The following CFAP100 variants were observed in gnomAD, a reference collection of about 807,000 sequenced individuals.
The protein encoded by CFAP100 is cilia and flagella associated protein 100, also known as cilia- and flagella-associated protein 100.
In CFAP100, 70 loss-of-function variants were observed where a neutral mutation model predicts 81.5. The observed-to-expected ratio is 0.86, with a 90% CI of 0.71 to 1.05. The LOEUF (loss-of-function observed/expected upper bound fraction) is 1.05. Ranked by LOEUF, CFAP100 falls within the 50% of genes least tolerant of loss-of-function variation. The pLI, the probability that CFAP100 is intolerant of heterozygous loss-of-function variation, is 0.00. For missense variants in CFAP100, 811 were observed against 776.5 expected (o/e 1.04, Z -0.53); for synonymous variants, 341 against 314.8 (o/e 1.08, Z -0.88).
rs144330227 is a variant in CFAP100, at chr3:126,436,292, G to C, written c.1724G>C (p.Arg575Thr). ...ARAQAEIKKK[R>T]GRTLVCRSRP... ...TCACTGGGCTTGTTTCCCCTGCAGA[G>C]AGGCAGGACACTGGTATGCCGCTCA... Residue 575 changes from arginine to threonine, a missense_variant and splice_region_variant, in exon 17 of 17, where the codon AGA (arginine) becomes ACA (threonine). Coordinates refer to ENST00000352312, the MANE Select transcript of CFAP100 (RefSeq NM_182628.3). 8 of 1,612,204 alleles carry C rather than the reference G, an allele frequency of 5.0e-6. No homozygotes were observed. Among genetic ancestry groups the C allele is most frequent in the Middle Eastern group, 3.4e-4 (2 of 5,970 alleles).
chr3:126,398,059 T>G (rs573398923), intron 2 of CFAP100, among the ~76,000 whole-genome samples: 66 of 152,352 alleles, frequency 4.3e-4, no homozygotes, highest in African/African-American at 1.4e-3. Context: ...TCTGCCCAGA[T>G]GACGGGAAGG....
In CFAP100 at chr3:126,419,135, C is replaced by A. The variant is rs755444927; in HGVS notation, c.710C>A (p.Thr237Asn). Residue 237 changes from threonine (T) to asparagine (N), a missense_variant, in exon 8 of 17, where the codon ACC becomes AAC. Thr to Asn is a moderately conservative substitution (Grantham distance 65). Coordinates refer to ENST00000352312, the MANE Select transcript of CFAP100 (RefSeq NM_182628.3). ...EKILEIRDLT[T>N]QIVNIKSEIS... ...ATCCTTGAGATCCGGGACCTCACCACCCAGATTGTTAATATCAAAAGGTGA... is the reference window on the plus strand; with the variant it reads ...ATCCTTGAGATCCGGGACCTCACCAACCAGATTGTTAATATCAAAAGGTGA... 1.9e-6 allele frequency: 3 copies of A among 1,585,128 alleles called. No homozygotes were observed. The highest frequency in any genetic ancestry group is 2.6e-6 in the Non-Finnish European group (3 of 1,164,306).
At chr3:126,398,725 C>A (rs2082927111) in intron 2 of CFAP100, among the ~76,000 whole-genome samples, 1 of 152,236 alleles carries the variant, frequency 6.6e-6, no homozygotes, top group South Asian at 2.1e-4. Context: ...CGAAGCCTGG[C>A]CTGGTGGCCT....
At chr3:126,415,794 G>A (rs1320359666) in intron 4 of CFAP100, among the ~76,000 whole-genome samples, 10 of 152,132 alleles carry the variant, frequency 6.6e-5, no homozygotes. Context: ...CTGCCTTCCT[G>A]CTCCTCCGAA....
intron 2 of CFAP100, 141 bp downstream of exon 2, chr3:126,396,190 A>T: frequency 1.5e-6 from 1 of 667,264 alleles, no homozygotes; most frequent in Non-Finnish European, 2.7e-6. Flanking sequence ...GAAACAAGGC[A>T]TATGGATTGC....
chr3:126,430,207 T>C (rs1229749336), intron 13 of CFAP100, among the ~76,000 whole-genome samples: 3 of 150,952 alleles, frequency 2.0e-5, no homozygotes, highest in African/African-American at 7.3e-5. Context: ...TCTCCAGACA[T>C]GGGAAAATTT....
chr3:126,403,355 G>A (rs1265765781), intron 2 of CFAP100, among the ~76,000 whole-genome samples: 2 of 151,658 alleles, frequency 1.3e-5, no homozygotes, highest in Non-Finnish European at 2.9e-5. Context: ...TGTCACATGA[G>A]TGGAGTGCCC....
At chr3:126,415,310 T>A (rs1166942308) in intron 4 of CFAP100, among the ~76,000 whole-genome samples, 1 of 55,678 alleles carries the variant, frequency 1.8e-5, no homozygotes, top group Non-Finnish European at 3.5e-5. Context: ...CCCAACAGGG[T>A]CCCCCACTCA....
chr3:126,418,241 G>A (rs1228645905), intron 5 of CFAP100: 10 of 573,844 alleles, frequency 1.7e-5, no homozygotes, highest in African/African-American at 3.8e-5. Context: ...CCACGCGGCC[G>A]GACTCTGGCC....
intron 13 of CFAP100, among the ~76,000 whole-genome samples, chr3:126,425,534 A>T (rs1576643395): frequency 6.6e-6 from 1 of 152,244 alleles, no homozygotes; most frequent in East Asian, 1.9e-4. Flanking sequence ...TTTTCAGAAG[A>T]TAGGAGCAGA....
chr3:126,419,182 T>A, intron 8 of CFAP100, 26 bp downstream of exon 8: 1 of 1,464,978 alleles, frequency 6.8e-7, no homozygotes, highest in Admixed American at 2.1e-5. Context: ...ATGCTGGCCA[T>A]TGGCTGGCCC....
At chr3:126,427,681 G>A (rs1391484755) in intron 13 of CFAP100, among the ~76,000 whole-genome samples, 1 of 152,206 alleles carries the variant, frequency 6.6e-6, no homozygotes, top group Non-Finnish European at 1.5e-5. Flanking sequence ...CACTAGCAAT[G>A]AATGAGACTT....
intron 5 of CFAP100, 173 bp downstream of exon 5, chr3:126,416,681 G>T: frequency 1.8e-6 from 1 of 549,526 alleles, no homozygotes; most frequent in South Asian, 2.6e-5. Flanking sequence ...GGGTCCCAAA[G>T]CTCTATTCCA....
intron 8 of CFAP100, among the ~76,000 whole-genome samples, 184 bp from the exon 9 acceptor site, chr3:126,419,453 T>C (rs1033525234): frequency 1.3e-5 from 2 of 152,196 alleles, no homozygotes; most frequent in Non-Finnish European, 2.9e-5. Flanking sequence ...CAAAGGGCTG[T>C]GACTCTGCTT....
At chr3:126,400,613 A>G (rs574750946) in intron 2 of CFAP100, among the ~76,000 whole-genome samples, 22 of 152,268 alleles carry the variant, frequency 1.4e-4, no homozygotes, top group Middle Eastern at 3.4e-3. Flanking sequence ...ATAACCGGGC[A>G]TGGTGGCGGG....
rs370169058 is a variant in CFAP100 at position 126,396,044 on chromosome 3, A to G, written c.44A>G (p.Asn15Ser). 1.9e-6 allele frequency: 3 copies of G among 1,613,826 alleles called. No homozygotes were observed. Among genetic ancestry groups the G allele is most frequent in the Non-Finnish European group, 2.5e-6 (3 of 1,179,714 alleles). Residue 15 changes from asparagine to serine, a missense_variant, in exon 2 of 17, where the codon AAT becomes AGT. By Grantham distance (46) the Asn-to-Ser change is conservative. Transcript: ENST00000352312. The stretch of plus-strand genomic sequence containing the variant: ...ACTATAGTCTCCAAGAACATGACCA[A>G]TGACAGTAAGTACCGGGCCAGGGTG... ...PSTIVSKNMT[N>S]DKNSLESMNI...
rs776475020 is a variant in CFAP100, at chr3:126,419,072, C to G, written c.651-4C>G. ...TCCCTCCTCCCCCGCCGCCCAACCC[C>G]TAGGGCTGAGAAGGAGACCAAAGCC... On this transcript the variant is annotated splice_polypyrimidine_tract_variant and splice_region_variant and intron_variant, in intron 7 of 16. Coordinates refer to ENST00000352312, the MANE Select transcript of CFAP100 (RefSeq NM_182628.3). 4 of 1,554,330 alleles carry G rather than the reference C, an allele frequency of 2.6e-6. No individual in the cohort carries two copies.
At chr3:126,397,173 G>T (rs748092433) in intron 2 of CFAP100, among the ~76,000 whole-genome samples, 1 of 152,110 alleles carries the variant, frequency 6.6e-6, no homozygotes, top group Admixed American at 6.5e-5. Flanking sequence ...AATACATCAA[G>T]AATTCCCTTA....
chr3:126,419,061 C>T lies in CFAP100; in HGVS notation c.651-15C>T. 6.7e-7 allele frequency: 1 copy of T among 1,485,686 alleles called. No individual in the cohort carries two copies. 92.0% of individuals were successfully genotyped at this position (1,485,686 alleles called of 1,614,324 possible). A position where few individuals can be genotyped will look rare whatever the true frequency, so the allele number is the denominator to read the frequency against. On this transcript the variant is annotated splice_polypyrimidine_tract_variant and intron_variant, in intron 7 of 16. Coordinates refer to ENST00000352312, the MANE Select transcript of CFAP100 (RefSeq NM_182628.3). ...CCTTGCCCCCATCCCTCCTCCCCCG[C>T]CGCCCAACCCCTAGGGCTGAGAAGG... is the stretch of plus-strand genomic sequence containing the variant.
Sources: allele counts gnomAD v4.1 joint callset (sites outside exome capture counted in the v4.1 genomes callset), GRCh38; gene constraint gnomAD v4.1.1; transcripts MANE v1.5; gene names NCBI Gene and HGNC (gene_info 2026-07-23, HGNC 2026-07-21).